The following TRPM1 variants were observed in gnomAD, a reference collection of about 807,000 sequenced individuals.
The protein encoded by TRPM1 is TRPM1-203 APA Isoform, Intron 10.
Under a neutral mutation model 149.4 loss-of-function variants are expected in TRPM1, and 113 were observed. The ratio of observed to expected loss-of-function variants is 0.76; its 90% CI spans 0.65 to 0.88. The LOEUF is 0.88. TRPM1 is among the 40% of genes least tolerant of loss of function. TRPM1 has a pLI of 0.00. For synonymous variants in TRPM1, 741 were observed against 759.5 expected, an observed-to-expected ratio of 0.98 and a Z score of 0.40; for missense variants, 1,976 against 2,038.7, an observed-to-expected ratio of 0.97 and a Z score of 0.59.
chr15:31,064,060 A>G (rs926336430), intron 7 of TRPM1, among the ~76,000 whole-genome samples: 1 of 152,238 alleles, frequency 6.6e-6, no homozygotes, highest in African/African-American at 2.4e-5. Flanking sequence ...CTTCTCCCTT[A>G]TGACACTGGG....
At chr15:31,128,379 C>T (rs1040399970) in intron 1 of TRPM1, among the ~76,000 whole-genome samples, 7 of 152,168 alleles carry the variant, frequency 4.6e-5, no homozygotes, top group Non-Finnish European at 1.5e-5. Context: ...TGGGCTGCAT[C>T]GTCTGTCTTT....
chr15:31,066,972 T>C, intron 6 of TRPM1, 91 bp downstream of exon 6: 2 of 1,559,772 alleles, frequency 1.3e-6, no homozygotes, highest in Non-Finnish European at 1.8e-6. Context: ...AGCTCTCTTA[T>C]TATTCTTACA....
rs142554524 is a variant in TRPM1 at position 31,119,221 on chromosome 15, A to G, written c.54+41685T>C. On this transcript the variant is annotated intron_variant, in intron 1 of 26. Transcript: ENST00000542188. ...GCACCATCGCACTCCAGCCTGGGCA[A>G]CAAGAGTGAAACTCCATCTCAAAAA... is the stretch of plus-strand genomic sequence containing the variant. 9.9e-3 allele frequency among the ~76,000 whole-genome samples: 1,497 copies of G among 151,198 alleles called. 26 individuals carry two copies. Among genetic ancestry groups the G allele is most frequent in the African/African-American group, 0.034 (1,406 of 41,146 alleles).
At chr15:31,018,737 C>G (rs144308143) in intron 27 of TRPM1, among the ~76,000 whole-genome samples, 1 of 152,232 alleles carries the variant, frequency 6.6e-6, no homozygotes, top group Non-Finnish European at 1.5e-5. Flanking sequence ...GCAATCTTGG[C>G]TCACTGCAAA....
intron 1 of TRPM1, among the ~76,000 whole-genome samples, chr15:31,148,583 T>C (rs1439432433): frequency 6.6e-6 from 1 of 152,130 alleles, no homozygotes; most frequent in Non-Finnish European, 1.5e-5. Context: ...AAACTCTTCA[T>C]CAAAAACTCC....
intron 3 of TRPM1, among the ~76,000 whole-genome samples, chr15:31,072,440 C>T (rs1433002852): frequency 6.6e-6 from 1 of 152,100 alleles, no homozygotes; most frequent in Non-Finnish European, 1.5e-5. Context: ...GACATTTGGG[C>T]TATTCGCACT....
chr15:31,111,833 C>T (rs2035693441), intron 1 of TRPM1, among the ~76,000 whole-genome samples: 3 of 152,258 alleles, frequency 2.0e-5, no homozygotes, highest in Admixed American at 2.0e-4. Context: ...TGCTTTATCG[C>T]TTCTAAAATC....
chr15:31,041,597 T>G (rs1316827006), intron 17 of TRPM1, among the ~76,000 whole-genome samples: 2 of 152,160 alleles, frequency 1.3e-5, no homozygotes. Context: ...AAGGTCACAG[T>G]CCAGGTCACA....
At chr15:31,072,000 TATATATATATATATATATAGAG>T (rs199945114) in intron 3 of TRPM1, among the ~76,000 whole-genome samples, 4,663 of 63,790 alleles carry the variant, frequency 0.073, 227 homozygotes, top group East Asian at 0.28. Context: ...TATATATATA[TATATATATATATATATATAGAG>T]AGAGAGAGAG....
At chr15:31,081,315 A>AGG (rs527556896) in intron 2 of TRPM1, 38 bp downstream of exon 2, 81 of 628,154 alleles carry the variant, frequency 1.3e-4, no homozygotes, top group Non-Finnish European at 1.4e-4. Flanking sequence ...TCAGGGGGGG[A>AGG]GGGGGGGAAG....
intron 23 of TRPM1, among the ~76,000 whole-genome samples, chr15:31,030,115 G>A (rs541015354): frequency 2.0e-5 from 3 of 152,218 alleles, no homozygotes; most frequent in African/African-American, 7.2e-5. Context: ...AGAAGCTACT[G>A]CATGAGCTGG....
At chr15:31,064,040 C>G (rs2034305347) in intron 7 of TRPM1, among the ~76,000 whole-genome samples, 1 of 152,222 alleles carries the variant, frequency 6.6e-6, no homozygotes, top group South Asian at 2.1e-4. Flanking sequence ...AATTGCAGTT[C>G]AATTCCTGGC....
chr15:31,076,997 G>T lies in TRPM1; in HGVS notation c.4-13C>A. The T allele has an allele frequency of 6.3e-7, 1 of 1,586,540 alleles. No homozygotes were observed. Among genetic ancestry groups the T allele is most frequent in the South Asian group, 1.1e-5 (1 of 90,480 alleles). On this transcript the variant is annotated splice_polypyrimidine_tract_variant and intron_variant, in intron 2 of 27. Coordinates refer to ENST00000256552, the MANE Select transcript of TRPM1 (RefSeq NM_001252024.2). ...AAGATTTCTGACCCTGGAAGAGAGAGAGAAGTGGATATTGGACCAATACAT... is the reference window on the plus strand; with the variant it reads ...AAGATTTCTGACCCTGGAAGAGAGATAGAAGTGGATATTGGACCAATACAT...
intron 4 of TRPM1, 92 bp downstream of exon 4, chr15:31,069,939 A>G (rs1455178285): frequency 6.2e-7 from 1 of 1,612,392 alleles, no homozygotes; most frequent in Admixed American, 1.7e-5. Flanking sequence ...ACAGCCATGA[A>G]GAAGACCAGG....
At chr15:31,043,376 T>C (rs1022100404) in intron 16 of TRPM1, among the ~76,000 whole-genome samples, 2 of 151,914 alleles carry the variant, frequency 1.3e-5, no homozygotes, top group African/African-American at 4.8e-5. Context: ...GTATGTTTAG[T>C]AGAGACGGGG....
upstream of TRPM1, among the ~76,000 whole-genome samples, chr15:31,103,657 A>T (rs1299719678): frequency 6.6e-6 from 1 of 151,798 alleles, no homozygotes; most frequent in Non-Finnish European, 1.5e-5. Flanking sequence ...TACTAAAAAT[A>T]TAAAAAATAA....
rs192710158 is a variant in TRPM1 at position 31,144,459 on chromosome 15, T to C, written c.54+16447A>G. 1.3e-4 allele frequency among the ~76,000 whole-genome samples: 20 copies of C among 152,162 alleles called. No homozygotes were observed. In the East Asian group the frequency reaches 3.5e-3, roughly 26 times the overall value. On this transcript the variant is annotated intron_variant, in intron 1 of 26. Coordinates refer to the TRPM1 transcript ENST00000542188. ...CTCAAAATAAATGAACAAATAAAAG[T>C]CCAATCTGAGATTCTTTGTCAAAAT...
In TRPM1 at chr15:31,060,549, A is replaced by G. The variant is rs906040143; in HGVS notation, c.1258T>C (p.Trp420Arg). ...RSQIFVFGPH[W>R]PPLGSLAPPT... ...TCGAAAAAAAACAGTTTCACCGGCC[A>G]GTGGGGCCCAAAGACAAAGATCTGG... Residue 420 changes from tryptophan to arginine, a missense_variant, in exon 11 of 28, where the codon TGG becomes CGG. Trp to Arg is a moderately radical substitution (Grantham distance 101). Around this residue, in one of 3 missense-constraint regions of TRPM1, gnomAD observed 1,332 missense variants for 1,347.1 expected, o/e 0.99. Coordinates refer to ENST00000256552, the MANE Select transcript of TRPM1 (RefSeq NM_001252024.2). 6 of 1,613,966 alleles carry G rather than the reference A, an allele frequency of 3.7e-6. No homozygotes were observed. In the African/African-American group the frequency reaches 4.0e-5, roughly 11 times the overall value.
chr15:31,140,561 G>C (rs1192634189), intron 1 of TRPM1, among the ~76,000 whole-genome samples: 1 of 152,164 alleles, frequency 6.6e-6, no homozygotes, highest in East Asian at 1.9e-4. Context: ...CGAGTTGGTT[G>C]TTAGAAAGAG....
Sources: gnomAD v4.1 joint callset for allele counts (sites outside exome capture counted in the v4.1 genomes callset) on GRCh38, gnomAD v4.1.1 for gene constraint, gnomAD v4.1.1 regional missense constraint, MANE v1.5 for transcripts, NCBI Gene and HGNC (gene_info 2026-07-23, HGNC 2026-07-21) for gene names.